Variants in THSD7A observed in about 807,000 individuals in gnomAD.
The protein encoded by THSD7A is thrombospondin type 1 domain containing 7A.
A neutral mutation model predicts 231.3 loss-of-function variants in THSD7A; 96 were observed. The ratio of observed to expected loss-of-function variants is 0.41; its 90% CI spans 0.35 to 0.49. THSD7A has a LOEUF of 0.49. Among genes scored for constraint, THSD7A ranks in the 20% least tolerant of loss-of-function variants. THSD7A has a pLI of 0.05. For synonymous variants in THSD7A, 940 were observed against 743.3 expected, an observed-to-expected ratio of 1.26 and a Z score of -4.30; for missense variants, 2,290 against 2,070.2, an observed-to-expected ratio of 1.11 and a Z score of -2.06.
chr7:11,652,692 C>A (rs1029129210), intron 1 of THSD7A, among the ~76,000 whole-genome samples: 1 of 151,842 alleles, frequency 6.6e-6, no homozygotes. Flanking sequence ...TATAAATATA[C>A]TTTTAAAATA....
intron 16 of THSD7A, among the ~76,000 whole-genome samples, chr7:11,422,105 C>T (rs1248718641): frequency 1.3e-5 from 2 of 152,120 alleles, no homozygotes; most frequent in Admixed American, 1.3e-4. Flanking sequence ...GTCAGAAGCC[C>T]ATCACAGGTG....
chr7:11,406,498 A>G lies in THSD7A; in HGVS notation c.4063-24T>C. 1 of 1,583,784 alleles carries G rather than the reference A, an allele frequency of 6.3e-7. No homozygotes were observed. The highest frequency in any genetic ancestry group is 8.6e-7 in the Non-Finnish European group (1 of 1,166,600). On this transcript the variant is annotated intron_variant, in intron 21 of 27. Coordinates refer to ENST00000423059, the MANE Select transcript of THSD7A (RefSeq NM_015204.3). This position sits in a 1 kb window ranked among gnomAD's most constrained non-coding sequence, Gnocchi z 4.7. ...TCCTGGAATGGAGGAAGAAATAACT[A>G]ATTAGAAAAAGAGAAATACTTCATT...
intron 1 of THSD7A, among the ~76,000 whole-genome samples, chr7:11,790,184 G>A (rs1004913418): frequency 6.6e-5 from 10 of 151,906 alleles, no homozygotes; most frequent in Non-Finnish European, 1.3e-4. Context: ...ATCAAATTAA[G>A]TAGCTCAGCT....
intron 23 of THSD7A, among the ~76,000 whole-genome samples, chr7:11,389,312 C>T (rs950026257): frequency 3.3e-5 from 5 of 151,156 alleles, no homozygotes; most frequent in African/African-American, 1.2e-4. Context: ...AGACAGTTAG[C>T]TGTTCTTGTT....
intron 16 of THSD7A, among the ~76,000 whole-genome samples, chr7:11,420,818 G>A (rs1784119339): frequency 6.6e-6 from 1 of 152,192 alleles, no homozygotes; most frequent in Non-Finnish European, 1.5e-5. Context: ...AAGGCCTTGG[G>A]AACCCACCCC....
At chr7:11,639,878 T>G (rs1782014918) in intron 1 of THSD7A, among the ~76,000 whole-genome samples, 1 of 152,206 alleles carries the variant, frequency 6.6e-6, no homozygotes, top group Middle Eastern at 3.4e-3. Context: ...AACTCTTAAG[T>G]CTGAAAATTA....
intron 1 of THSD7A, among the ~76,000 whole-genome samples, chr7:11,789,350 T>A (rs1325677148): frequency 6.6e-6 from 1 of 152,024 alleles, no homozygotes; most frequent in Non-Finnish European, 1.5e-5. Context: ...TCAGAATATT[T>A]TAAGAAAGGG....
At chr7:11,766,321 T>A (rs1251768437) in intron 1 of THSD7A, among the ~76,000 whole-genome samples, 1 of 152,168 alleles carries the variant, frequency 6.6e-6, no homozygotes, top group Non-Finnish European at 1.5e-5. Flanking sequence ...TATTAAATTG[T>A]CATCAGATCT....
intron 1 of THSD7A, among the ~76,000 whole-genome samples, chr7:11,722,057 A>G (rs1474450331): frequency 6.6e-6 from 1 of 151,904 alleles, no homozygotes; most frequent in Non-Finnish European, 1.5e-5. Flanking sequence ...TTGCAAAATT[A>G]TAATAACAAG....
chr7:11,521,068 A>G (rs1788241475), intron 6 of THSD7A, among the ~76,000 whole-genome samples: 1 of 152,200 alleles, frequency 6.6e-6, no homozygotes, highest in African/African-American at 2.4e-5. Flanking sequence ...TTTATTGAAG[A>G]ATTTTAAAAA....
chr7:11,632,691 C>T lies in THSD7A; in HGVS notation c.1022+3439G>A, dbSNP rs1781695317. On this transcript the variant is annotated intron_variant, in intron 2 of 27. Transcript: ENST00000423059. The surrounding 1 kb of genome is among the most constrained non-coding windows in gnomAD (Gnocchi z 4.1). Reference sequence around the variant, plus strand: ...CTTCTAATGTTTCACAGTTGAGCACCGTCCCAGCTTTCAGTCTGATGTCTC... The same window carrying T: ...CTTCTAATGTTTCACAGTTGAGCACTGTCCCAGCTTTCAGTCTGATGTCTC... Among the ~76,000 whole-genome samples the T allele has an allele frequency of 6.6e-6, 1 of 152,110 alleles. No homozygotes were observed. Among genetic ancestry groups the T allele is most frequent in the African/African-American group, 2.4e-5 (1 of 41,416 alleles).
intron 1 of THSD7A, among the ~76,000 whole-genome samples, chr7:11,738,366 A>G (rs529390011): frequency 2.0e-5 from 3 of 152,168 alleles, no homozygotes; most frequent in South Asian, 2.1e-4. Context: ...TATTCATAAT[A>G]GTTCTTAGAG....
intron 4 of THSD7A, among the ~76,000 whole-genome samples, chr7:11,554,314 T>G (rs1789753330): frequency 6.6e-6 from 1 of 152,050 alleles, no homozygotes; most frequent in Admixed American, 6.6e-5. Context: ...AGTACCATGC[T>G]TAACGAAGAC....
chr7:11,437,658 G>A (rs1050120304), intron 13 of THSD7A, among the ~76,000 whole-genome samples: 1 of 151,978 alleles, frequency 6.6e-6, no homozygotes, highest in Non-Finnish European at 1.5e-5. Flanking sequence ...CTCCATTTCA[G>A]CTTGTTTACA....
chr7:11,381,624 A>T (rs540031388), intron 24 of THSD7A, among the ~76,000 whole-genome samples: 1 of 152,296 alleles, frequency 6.6e-6, no homozygotes, highest in African/African-American at 2.4e-5. Context: ...CTGAGCAGTT[A>T]ACTGTCAAGA....
chr7:11,436,354 G>A (rs1407506937), intron 13 of THSD7A, among the ~76,000 whole-genome samples: 1 of 152,044 alleles, frequency 6.6e-6, no homozygotes, highest in African/African-American at 2.4e-5. Flanking sequence ...TATTTGCAAA[G>A]GATGATCTTT....
chr7:11,541,414 C>T lies in THSD7A; in HGVS notation c.1822+5G>A. ...ATAAAAACATAATAGATACGTCTGT[C>T]TTACCATCACTGTTGATGCACACAA... On this transcript the variant is annotated splice_donor_5th_base_variant and intron_variant, in intron 6 of 27. Transcript: ENST00000423059. 6.2e-7 allele frequency: 1 copy of T among 1,613,764 alleles called. No homozygotes were observed. Among genetic ancestry groups the T allele is most frequent in the East Asian group, 2.2e-5 (1 of 44,870 alleles).
At chr7:11,485,324 T>C (rs1378322563) in intron 6 of THSD7A, among the ~76,000 whole-genome samples, 1 of 152,166 alleles carries the variant, frequency 6.6e-6, no homozygotes, top group African/African-American at 2.4e-5. Flanking sequence ...GGCAGGTATG[T>C]AAAACAAATT....
Position 11,373,113 on chromosome 7 carries a change from C to CTAAT in THSD7A, c.*2677_*2680dup. On this transcript the variant is annotated 3_prime_UTR_variant, in exon 28 of 28. Transcript: ENST00000423059. Reference sequence around the variant, plus strand: ...TATGCATGCATATATGCTGTAAAATCTAATTAATTTATGAATAAAATGTAT... The same window carrying CTAAT: ...TATGCATGCATATATGCTGTAAAATCTAATTAATTAATTTATGAATAAAATGTAT... The CTAAT allele has an allele frequency of 6.6e-6, 1 of 150,812 alleles. No individual in the cohort carries two copies. Among genetic ancestry groups the CTAAT allele is most frequent in the South Asian group, 2.1e-4 (1 of 4,784 alleles). 9.3% of individuals were successfully genotyped at this position (150,812 alleles called of 1,614,324 possible).
Sources: gnomAD v4.1 joint callset for allele counts (sites outside exome capture counted in the v4.1 genomes callset) on GRCh38, gnomAD v4.1.1 for gene constraint, Gnocchi (gnomAD v3.1) non-coding constraint, MANE v1.5 for transcripts, NCBI Gene and HGNC (gene_info 2026-07-23, HGNC 2026-07-21) for gene names.